Variants in SRGAP1 observed in about 807,000 individuals in gnomAD.
SRGAP1 encodes the protein SLIT-ROBO Rho GTPase activating protein 1, also known as SLIT-ROBO Rho GTPase-activating protein 1.
In SRGAP1, 43 loss-of-function variants were observed where a neutral mutation model predicts 121.9. That is an observed-to-expected ratio of 0.35 (90% confidence interval 0.28 to 0.46). SRGAP1 has a LOEUF of 0.46. Among genes scored for constraint, SRGAP1 ranks in the 20% least tolerant of loss-of-function variants. The pLI is 1.00. For synonymous variants in SRGAP1, 447 were observed against 485.4 expected, an observed-to-expected ratio of 0.92 and a Z score of 1.04; for missense variants, 1,102 against 1,350.9, an observed-to-expected ratio of 0.82 and a Z score of 2.89.
At chr12:64,009,686 T>C (rs1321743369) in intron 3 of SRGAP1, among the ~76,000 whole-genome samples, 1 of 152,158 alleles carries the variant, frequency 6.6e-6, no homozygotes, top group Non-Finnish European at 1.5e-5. Context: ...GAAATGAAGC[T>C]CTGGTTTCTC....
intron 1 of SRGAP1, among the ~76,000 whole-genome samples, chr12:63,855,685 C>T (rs1899227071): frequency 6.6e-6 from 1 of 151,544 alleles, no homozygotes; most frequent in Admixed American, 6.6e-5. Context: ...GACGGAGTTC[C>T]ACCATGTTGC....
chr12:64,002,399 C>T (rs1051769689), intron 3 of SRGAP1, among the ~76,000 whole-genome samples: 1 of 152,164 alleles, frequency 6.6e-6, no homozygotes, highest in African/African-American at 2.4e-5. Context: ...CCTGCTGCCA[C>T]TTGGCCTCAG....
chr12:63,924,034 G>T (rs528332392), intron 1 of SRGAP1, among the ~76,000 whole-genome samples: 1 of 152,248 alleles, frequency 6.6e-6, no homozygotes, highest in Admixed American at 6.5e-5. Flanking sequence ...CCAGCTACTT[G>T]AGAGGCCAAG....
Position 64,097,356 on chromosome 12 carries a change from C to T in SRGAP1, c.1794C>T (p.Asn598=), listed in dbSNP as rs774133260. ...CCCTCTTTCCTAAGGAAAGATTTAA[C>T]GATCTGATTTCTTGTATCAGTAAGT... is the stretch of plus-strand genomic sequence containing the variant. The part of the protein sequence containing the change: ...ENPLFPKERF[N]DLISCIRIDN... The change falls in exon 15 of 22, where the codon AAC becomes AAT. Residue 598 remains asparagine (N), a synonymous_variant. Coordinates refer to ENST00000355086, the MANE Select transcript of SRGAP1 (RefSeq NM_020762.4). 2.5e-5 allele frequency: 40 copies of T among 1,609,532 alleles called. No individual in the cohort carries two copies. The highest frequency in any genetic ancestry group is 8.9e-5 in the East Asian group (4 of 44,812).
At chr12:63,994,115 C>T (rs1243511741) in intron 3 of SRGAP1, among the ~76,000 whole-genome samples, 2 of 152,126 alleles carry the variant, frequency 1.3e-5, no homozygotes, top group African/African-American at 4.8e-5. Context: ...GTAATCTACT[C>T]CAGATAGTCG....
chr12:64,034,529 C>T (rs2034856314), intron 4 of SRGAP1, among the ~76,000 whole-genome samples: 1 of 152,114 alleles, frequency 6.6e-6, no homozygotes, highest in African/African-American at 2.4e-5. Context: ...ACAATCCCTC[C>T]AATCATGGAA....
intron 1 of SRGAP1, among the ~76,000 whole-genome samples, chr12:63,854,358 T>A (rs1289631017): frequency 3.3e-5 from 5 of 152,236 alleles, no homozygotes; most frequent in Non-Finnish European, 5.9e-5. Flanking sequence ...GTGTAAATTT[T>A]AAAAATTGGA....
intron 1 of SRGAP1, among the ~76,000 whole-genome samples, chr12:63,880,741 G>C (rs569900807): frequency 1.3e-5 from 2 of 152,034 alleles, no homozygotes; most frequent in Non-Finnish European, 2.9e-5. Flanking sequence ...ATGAATCCAC[G>C]TATTTTATTA....
intron 1 of SRGAP1, among the ~76,000 whole-genome samples, chr12:63,899,583 C>G (rs547600677): frequency 6.6e-6 from 1 of 152,184 alleles, no homozygotes; most frequent in Non-Finnish European, 1.5e-5. Context: ...CAGAACCACC[C>G]AGATTGGTTA....
At chr12:63,951,774 C>T (rs995678300) in intron 1 of SRGAP1, among the ~76,000 whole-genome samples, 2 of 152,194 alleles carry the variant, frequency 1.3e-5, no homozygotes, top group African/African-American at 4.8e-5. Flanking sequence ...GATTCCTCAG[C>T]ATGCTCCTGG....
At chr12:63,953,945 T>C (rs919781642) in intron 1 of SRGAP1, among the ~76,000 whole-genome samples, 5 of 152,216 alleles carry the variant, frequency 3.3e-5, no homozygotes, top group Non-Finnish European at 7.3e-5. Context: ...TGAAAATAAA[T>C]TGTGTATTTT....
chr12:64,021,935 G>A lies in SRGAP1; in HGVS notation c.489+4923G>A, dbSNP rs555053813. Among the ~76,000 whole-genome samples the A allele has an allele frequency of 2.4e-3, 373 of 152,338 alleles. 1 individual carries two copies. The highest frequency in any genetic ancestry group is 8.6e-3 in the African/African-American group (356 of 41,568). On this transcript the variant is annotated intron_variant, in intron 4 of 21. Transcript: ENST00000355086. ...TTCTTTTTGAGTTAAACATTTGAAAGCAAGCTAAAGGATAGAATTAGCAAG... is the reference window on the plus strand; with the variant it reads ...TTCTTTTTGAGTTAAACATTTGAAAACAAGCTAAAGGATAGAATTAGCAAG...
chr12:63,847,255 A>G (rs1898932321), intron 1 of SRGAP1, among the ~76,000 whole-genome samples: 3 of 152,180 alleles, frequency 2.0e-5, no homozygotes, highest in Admixed American at 6.6e-5. Context: ...CCCAGGAGGC[A>G]GAGGTTACAG....
At chr12:64,017,272 T>C (rs1367422822) in intron 4 of SRGAP1, among the ~76,000 whole-genome samples, 1 of 152,222 alleles carries the variant, frequency 6.6e-6, no homozygotes, top group Non-Finnish European at 1.5e-5. Context: ...ATTAGCACAC[T>C]TTAAGAAATT....
chr12:64,121,532 G>A (rs2036606202), intron 18 of SRGAP1, among the ~76,000 whole-genome samples: 1 of 152,174 alleles, frequency 6.6e-6, no homozygotes, highest in African/African-American at 2.4e-5. Context: ...TGGGATTGCA[G>A]GCGTGAGCCA....
At chr12:63,851,913 G>T (rs771387368) in intron 1 of SRGAP1, among the ~76,000 whole-genome samples, 5 of 152,040 alleles carry the variant, frequency 3.3e-5, no homozygotes, top group Non-Finnish European at 5.9e-5. Context: ...ATTTATCACA[G>T]GCTTGGCACA....
At chr12:63,903,469 C>T (rs1169204179) in intron 1 of SRGAP1, among the ~76,000 whole-genome samples, 2 of 152,114 alleles carry the variant, frequency 1.3e-5, no homozygotes, top group Admixed American at 1.3e-4. Flanking sequence ...TGTACTTGAA[C>T]TCCTGACTTC....
chr12:63,848,719 A>C (rs1028393447), intron 1 of SRGAP1, among the ~76,000 whole-genome samples: 1 of 152,200 alleles, frequency 6.6e-6, no homozygotes, highest in East Asian at 1.9e-4. Context: ...TAATTTTTGT[A>C]ATCCTAAGTG....
At chr12:64,032,569 C>CG in intron 4 of SRGAP1, 1 of 916,516 alleles carries the variant, frequency 1.1e-6, no homozygotes, top group Non-Finnish European at 1.7e-6. Flanking sequence ...AGCCACGGAC[C>CG]TAGCTCTGCA....
Sources: gnomAD v4.1 joint callset for allele counts (sites outside exome capture counted in the v4.1 genomes callset) on GRCh38, gnomAD v4.1.1 for gene constraint, MANE v1.5 for transcripts, NCBI Gene and HGNC (gene_info 2026-07-23, HGNC 2026-07-21) for gene names.